Variants in LHFPL2 observed in about 807,000 individuals in gnomAD.
LHFPL2 encodes LHFPL tetraspan subfamily member 2.
Under a neutral mutation model 17.5 loss-of-function variants are expected in LHFPL2, and 7 were observed. The ratio of observed to expected loss-of-function variants is 0.40; its 90% CI spans 0.23 to 0.75. The LOEUF is 0.75. LHFPL2 is among the 30% of genes least tolerant of loss of function. LHFPL2 has a pLI of 0.37. For synonymous variants in LHFPL2, 134 were observed against 116.2 expected, an observed-to-expected ratio of 1.15 and a Z score of -0.99; for missense variants, 241 against 294.8, an observed-to-expected ratio of 0.82 and a Z score of 1.34.
chr5:78,503,347 AATTTTAAGAGAGTTTGCC>A (rs1307379019), intron 4 of LHFPL2, among the ~76,000 whole-genome samples: 1 of 152,238 alleles, frequency 6.6e-6, no homozygotes, highest in Admixed American at 6.5e-5. Context: ...GCTATATCAG[AATTTTAAGAGAGTTTGCC>A]ATTTCCTTCC....
At chr5:78,491,525 C>G (rs76784090) in intron 4 of LHFPL2, among the ~76,000 whole-genome samples, 6,434 of 152,192 alleles carry the variant, frequency 0.042, 406 homozygotes, top group African/African-American at 0.14. Context: ...AGAAAAGACC[C>G]CATAGTCTAG....
intron 2 of LHFPL2, among the ~76,000 whole-genome samples, chr5:78,576,032 A>C (rs952441479): frequency 9.8e-5 from 15 of 152,314 alleles, no homozygotes; most frequent in African/African-American, 2.4e-4. Flanking sequence ...GCAGTGGCTC[A>C]CGCCTGTAAT....
intron 3 of LHFPL2, among the ~76,000 whole-genome samples, chr5:78,516,718 TA>T (rs1755302871): frequency 6.6e-6 from 1 of 152,192 alleles, no homozygotes; most frequent in Non-Finnish European, 1.5e-5. Context: ...TCTCCATTTT[TA>T]AAAAAGGCCA....
intron 3 of LHFPL2, among the ~76,000 whole-genome samples, chr5:78,557,437 T>C (rs1756600732): frequency 6.6e-6 from 1 of 152,158 alleles, no homozygotes; most frequent in African/African-American, 2.4e-5. Flanking sequence ...CCACAGTCAC[T>C]CCATGAATGC....
chr5:78,605,300 C>T (rs1424232666), intron 2 of LHFPL2, among the ~76,000 whole-genome samples: 1 of 152,164 alleles, frequency 6.6e-6, no homozygotes, highest in African/African-American at 2.4e-5. Flanking sequence ...GCAATCAACG[C>T]AACTTCAAAA....
At chr5:78,490,580 G>A (rs576369923) in intron 4 of LHFPL2, among the ~76,000 whole-genome samples, 206 of 151,810 alleles carry the variant, frequency 1.4e-3, no homozygotes, top group African/African-American at 4.6e-3. Context: ...GTGAAACCCC[G>A]TCTAACTAAA....
In LHFPL2 at chr5:78,518,903, T is replaced by TGA. The variant is rs571075428; in HGVS notation, c.-185-8507_-185-8506dup. Reference sequence around the variant, plus strand: ...GTTCAGCTGGATGTCCCAGAAGCAGTGAGGAAACCAGGCCACTTAAAAACA... The same window carrying TGA: ...GTTCAGCTGGATGTCCCAGAAGCAGTGAGAGGAAACCAGGCCACTTAAAAACA... On this transcript the variant is annotated intron_variant, in intron 3 of 4. Coordinates refer to ENST00000380345, the MANE Select transcript of LHFPL2 (RefSeq NM_005779.3). Among the ~76,000 whole-genome samples the TGA allele has an allele frequency of 2.3e-3, 343 of 152,192 alleles. 1 individual carries two copies. The highest frequency in any genetic ancestry group is 7.9e-3 in the African/African-American group (328 of 41,524).
chr5:78,559,492 G>A (rs1307742735), intron 3 of LHFPL2, among the ~76,000 whole-genome samples: 3 of 152,174 alleles, frequency 2.0e-5, no homozygotes, highest in Admixed American at 6.5e-5. Flanking sequence ...TGTGGGATAC[G>A]ACTAGTTAGA....
chr5:78,490,610 C>T (rs990339467), intron 4 of LHFPL2, among the ~76,000 whole-genome samples: 4 of 151,640 alleles, frequency 2.6e-5, no homozygotes, highest in Admixed American at 6.6e-5. Context: ...ATTAGCTGGG[C>T]GTGGTGGCAC....
intron 2 of LHFPL2, among the ~76,000 whole-genome samples, chr5:78,581,190 T>C (rs959916478): frequency 1.2e-4 from 19 of 152,078 alleles, no homozygotes; most frequent in Non-Finnish European, 2.5e-4. Flanking sequence ...TTTTTGTACA[T>C]TGATTGACGA....
chr5:78,518,293 G>T (rs1755348298), intron 3 of LHFPL2, among the ~76,000 whole-genome samples: 1 of 152,234 alleles, frequency 6.6e-6, no homozygotes, highest in South Asian at 2.1e-4. Flanking sequence ...AACAGGCTGG[G>T]TACAGTGGCT....
In LHFPL2 at chr5:78,485,797, A is replaced by G. The variant is rs1380729482; in HGVS notation, c.*3100T>C. The stretch of plus-strand genomic sequence containing the variant: ...TTCACATTTCACATGAAAGACTAGC[A>G]TTAACTGGGCCTGGCGTGCGGGCTT... On this transcript the variant is annotated 3_prime_UTR_variant, in exon 5 of 5. Coordinates refer to ENST00000380345, the MANE Select transcript of LHFPL2 (RefSeq NM_005779.3). The G allele has an allele frequency of 2.0e-5, 3 of 152,672 alleles. No individual in the cohort carries two copies. The highest frequency in any genetic ancestry group is 2.9e-5 in the Non-Finnish European group (2 of 68,038). 9.5% of individuals were successfully genotyped at this position (152,672 alleles called of 1,614,324 possible).
chr5:78,486,593 G>GTGTT lies in LHFPL2; in HGVS notation c.*2300_*2303dup, dbSNP rs1418060195. The GTGTT allele has an allele frequency of 3.9e-5, 6 of 152,362 alleles. No individual in the cohort carries two copies. Among genetic ancestry groups the GTGTT allele is most frequent in the South Asian group, 2.1e-4 (1 of 4,834 alleles). 9.4% of individuals were successfully genotyped at this position (152,362 alleles called of 1,614,324 possible). On this transcript the variant is annotated 3_prime_UTR_variant, in exon 5 of 5. Transcript: ENST00000380345. ...TACCTTTTTACTATTTACTAAGTCA[G>GTGTT]TGTTTAGGTAGTTTTTAGTGGTTTG...
At chr5:78,561,712 T>C (rs1215052119) in intron 3 of LHFPL2, among the ~76,000 whole-genome samples, 1 of 152,218 alleles carries the variant, frequency 6.6e-6, no homozygotes, top group Non-Finnish European at 1.5e-5. Context: ...ATTCATTAGG[T>C]GCTAGTTCTG....
chr5:78,508,882 T>C (rs1448631022), intron 4 of LHFPL2, among the ~76,000 whole-genome samples: 4 of 152,326 alleles, frequency 2.6e-5, no homozygotes, highest in East Asian at 3.9e-4. Context: ...CTCTACTTCT[T>C]TGGGGATGTA....
At chr5:78,567,147 T>A (rs1250079654) in intron 2 of LHFPL2, among the ~76,000 whole-genome samples, 1 of 152,224 alleles carries the variant, frequency 6.6e-6, no homozygotes. Context: ...CACCTAAAGC[T>A]TTCCAAATTC....
At chr5:78,576,294 CA>C (rs746590895) in intron 2 of LHFPL2, among the ~76,000 whole-genome samples, 3,418 of 93,026 alleles carry the variant, frequency 0.037, 119 homozygotes, top group African/African-American at 0.12. Flanking sequence ...GACTCCATCT[CA>C]AAAAAAAAAA....
At chr5:78,632,584 C>T (rs1745291815) in intron 1 of LHFPL2, among the ~76,000 whole-genome samples, 1 of 152,248 alleles carries the variant, frequency 6.6e-6, no homozygotes. Context: ...AGGTAGCTAA[C>T]CTACCTGTGC....
rs570403729 is a variant in LHFPL2 at position 78,597,572 on chromosome 5, A to G, written c.-244-32701T>C. ...ACGTAGCAGATTATGGAAGACTGTGAACAAGCAGCTTGGAAAGTCAGGAAA... is the reference window on the plus strand; with the variant it reads ...ACGTAGCAGATTATGGAAGACTGTGGACAAGCAGCTTGGAAAGTCAGGAAA... On this transcript the variant is annotated intron_variant, in intron 2 of 4. Transcript: ENST00000380345. 3.3e-5 allele frequency among the ~76,000 whole-genome samples: 5 copies of G among 152,320 alleles called. No individual in the cohort carries two copies. The South Asian group carries it at 1.0e-3, about 32-fold the overall frequency.
Sources: gnomAD v4.1 joint callset for allele counts (sites outside exome capture counted in the v4.1 genomes callset) on GRCh38, gnomAD v4.1.1 for gene constraint, MANE v1.5 for transcripts, NCBI Gene and HGNC (gene_info 2026-07-23, HGNC 2026-07-21) for gene names.